RPS6KA6: variants seen among roughly 807,000 people sequenced by gnomAD.
RPS6KA6 encodes ribosomal protein S6 kinase A6.
Under a neutral mutation model 65.4 loss-of-function variants are expected in RPS6KA6, and 27 were observed. That is an observed-to-expected ratio of 0.41 (90% CI 0.30 to 0.57). The LOEUF is 0.57. RPS6KA6 is among the 20% of genes least tolerant of loss of function. The pLI is 0.24. For missense variants in RPS6KA6, 486 were observed against 555.6 expected (o/e 0.87, Z 1.26); for synonymous variants, 190 against 184.2 (o/e 1.03, Z -0.26).
intron 17 of RPS6KA6, among the ~76,000 whole-genome samples, chrX:84,104,039 C>T (rs1181766830): frequency 1.8e-5 from 2 of 110,393 alleles, no homozygotes; most frequent in Non-Finnish European, 3.8e-5. Context: ...AACAAGCCTG[C>T]CCCTTCACCA....
intron 6 of RPS6KA6, among the ~76,000 whole-genome samples, chrX:84,142,040 A>G (rs2035113522): frequency 9.0e-6 from 1 of 111,542 alleles, no homozygotes; most frequent in South Asian, 3.7e-4. Context: ...CATTTATAGA[A>G]CCTTCCACCA....
At chrX:84,102,011 C>A (rs1437587485) in intron 18 of RPS6KA6, 26 bp downstream of exon 18, 1 of 1,131,576 alleles carries the variant, frequency 8.8e-7, no homozygotes, top group South Asian at 2.2e-5. Flanking sequence ...GAATGAAAGG[C>A]AAATGGTGAA....
chrX:84,108,398 G>A (rs1015519171), intron 12 of RPS6KA6, among the ~76,000 whole-genome samples: 2 of 111,783 alleles, frequency 1.8e-5, no homozygotes, highest in African/African-American at 3.3e-5. Flanking sequence ...CCTCTCTCAT[G>A]GTGAGGAATC....
At chrX:84,145,200 C>T (rs1452111816) in intron 6 of RPS6KA6, among the ~76,000 whole-genome samples, 4 of 110,833 alleles carry the variant, frequency 3.6e-5, no homozygotes, top group Non-Finnish European at 7.6e-5. Context: ...AACACTACTC[C>T]CAGAGGTGTT....
At chrX:84,137,235 C>T (rs1386539362) in intron 6 of RPS6KA6, among the ~76,000 whole-genome samples, 2 of 111,705 alleles carry the variant, frequency 1.8e-5, no homozygotes, top group African/African-American at 3.2e-5. Context: ...TTAGTGACCT[C>T]ATTTATCCCC....
chrX:84,164,360 G>T lies in RPS6KA6; in HGVS notation c.109C>A (p.Pro37Thr). 1 of 1,196,336 alleles carries T rather than the reference G, an allele frequency of 8.4e-7. No homozygotes were observed. ...GAATCTGCTTCTCCCTCTTCCATTG[G>T]CTCATCAACCATTTTAAGACCATTT... Reference protein sequence around the residue: ...EVNGLKMVDEPMEEGEADSCH... With the variant: ...EVNGLKMVDETMEEGEADSCH... The change falls in exon 2 of 22, where the codon CCA becomes ACA. Residue 37 changes from proline to threonine, a missense_variant. Physicochemically the swap from Pro to Thr is conservative, Grantham distance 38 (BLOSUM62 -1). Transcript: ENST00000262752.
chrX:84,088,597 G>C (rs778330212), intron 20 of RPS6KA6, among the ~76,000 whole-genome samples: 3 of 112,186 alleles, frequency 2.7e-5, no homozygotes, highest in Non-Finnish European at 5.6e-5. Flanking sequence ...ACCCAGTCAG[G>C]AGGGATGGGA....
chrX:84,171,978 T>C (rs755708245), intron 1 of RPS6KA6, among the ~76,000 whole-genome samples: 2 of 111,597 alleles, frequency 1.8e-5, no homozygotes, highest in Admixed American at 9.6e-5. Flanking sequence ...TGATGGTTTC[T>C]AGTTTCATCC....
intron 20 of RPS6KA6, among the ~76,000 whole-genome samples, chrX:84,076,720 T>A (rs912954489): frequency 2.7e-5 from 3 of 111,273 alleles, no homozygotes; most frequent in African/African-American, 9.8e-5. Context: ...ATGCTTACAC[T>A]CAAGATCAGG....
chrX:84,115,288 G>A (rs2034542708), intron 12 of RPS6KA6, among the ~76,000 whole-genome samples: 1 of 111,599 alleles, frequency 9.0e-6, no homozygotes, highest in Admixed American at 9.5e-5. Context: ...ATTAAAAGGT[G>A]GGCAAAGGAT....
intron 8 of RPS6KA6, among the ~76,000 whole-genome samples, chrX:84,126,200 T>C (rs906539419): frequency 7.2e-5 from 8 of 111,216 alleles, no homozygotes; most frequent in Non-Finnish European, 1.3e-4. Context: ...CAGGAGTAGT[T>C]ATATCATACA....
At chrX:84,066,475 C>T in intron 20 of RPS6KA6, among the ~76,000 whole-genome samples, 1 of 110,373 alleles carries the variant, frequency 9.1e-6, no homozygotes, top group African/African-American at 3.3e-5. Context: ...GGCGGTCTTC[C>T]CCTGACAATG....
chrX:84,175,042 A>T (rs773984452), intron 1 of RPS6KA6, among the ~76,000 whole-genome samples: 3 of 112,221 alleles, frequency 2.7e-5, no homozygotes, highest in Non-Finnish European at 5.6e-5. Context: ...AGTTACAGTA[A>T]GTCATTTTAC....
intron 13 of RPS6KA6, among the ~76,000 whole-genome samples, chrX:84,107,403 A>T (rs907449903): frequency 8.9e-6 from 1 of 112,024 alleles, no homozygotes; most frequent in Admixed American, 9.5e-5. Context: ...TAAACTTGCC[A>T]CCCTTTGACC....
chrX:84,102,256 T>C, intron 17 of RPS6KA6, 58 bp from the exon 18 acceptor site: 1 of 578,610 alleles, frequency 1.7e-6, no homozygotes, highest in Non-Finnish European at 2.4e-6. Flanking sequence ...ATCTGAGAAA[T>C]AAAACATTAT....
rs760426430 is a variant in RPS6KA6 at position 84,150,083 on chromosome X, C to A, written c.259-1960G>T. ...TTATGTTACGAAAATGGCTTCTTTC[C>A]TTTTTCTCTTCATGAGCCAACCCCT... On this transcript the variant is annotated intron_variant, in intron 3 of 21. Transcript: ENST00000262752. Among the ~76,000 whole-genome samples the A allele has an allele frequency of 9.1e-5, 10 of 110,198 alleles. No homozygotes were observed. In the East Asian group the frequency reaches 2.9e-3, roughly 32 times the overall value.
intron 1 of RPS6KA6, among the ~76,000 whole-genome samples, chrX:84,167,583 G>A (rs772991641): frequency 2.1e-4 from 23 of 111,753 alleles, no homozygotes; most frequent in Non-Finnish European, 4.3e-4. Flanking sequence ...ATAATATACT[G>A]ATACATTCAA....
chrX:84,132,137 T>C lies in RPS6KA6; in HGVS notation c.646+2645A>G, dbSNP rs925473947. 3.6e-5 allele frequency among the ~76,000 whole-genome samples: 4 copies of C among 111,482 alleles called. No homozygotes were observed. In the East Asian group the frequency reaches 1.1e-3, roughly 31 times the overall value. On this transcript the variant is annotated intron_variant, in intron 8 of 21. Coordinates refer to ENST00000262752, the MANE Select transcript of RPS6KA6 (RefSeq NM_014496.5). Reference sequence around the variant, plus strand: ...GAATTATGTCTCTCAGAAAACACATTATAGGCTGGGCACAGTGGCTCACAC... The same window carrying C: ...GAATTATGTCTCTCAGAAAACACATCATAGGCTGGGCACAGTGGCTCACAC...
intron 6 of RPS6KA6, among the ~76,000 whole-genome samples, chrX:84,140,322 A>G (rs2035072396): frequency 9.0e-6 from 1 of 111,437 alleles, no homozygotes; most frequent in Non-Finnish European, 1.9e-5. Context: ...ACTTTAAAAG[A>G]CCTATAATAA....
Sources: gnomAD v4.1 joint callset for allele counts (sites outside exome capture counted in the v4.1 genomes callset) on GRCh38, gnomAD v4.1.1 for gene constraint, MANE v1.5 for transcripts, NCBI Gene and HGNC (gene_info 2026-07-23, HGNC 2026-07-21) for gene names.